Variants in MDGA2 observed in about 807,000 individuals in gnomAD.
MDGA2 encodes MAM domain-containing glycosylphosphatidylinositol anchor protein 2.
MDGA2 carries 40 observed loss-of-function variants against 117.8 expected under a neutral mutation model. That is an observed-to-expected ratio of 0.34 (90% CI 0.26 to 0.44). The LOEUF is 0.44. Ranked by LOEUF, MDGA2 falls within the 20% of genes least tolerant of loss-of-function variation. MDGA2 has a pLI of 1.00. For synonymous variants in MDGA2, 452 were observed against 439.0 expected, an observed-to-expected ratio of 1.03 and a Z score of -0.37; for missense variants, 1,123 against 1,250.6, an observed-to-expected ratio of 0.90 and a Z score of 1.54.
chr14:47,214,794 G>A (rs1594728572), intron 3 of MDGA2, among the ~76,000 whole-genome samples: 1 of 152,014 alleles, frequency 6.6e-6, no homozygotes, highest in Non-Finnish European at 1.5e-5. Flanking sequence ...CTTGTAGAAC[G>A]TGGGATTTGC....
chr14:47,519,039 A>G (rs1894813850), intron 1 of MDGA2, among the ~76,000 whole-genome samples: 1 of 152,038 alleles, frequency 6.6e-6, no homozygotes, highest in African/African-American at 2.4e-5. Flanking sequence ...CCCCGTCTCT[A>G]CTAAAAATAC....
At chr14:47,072,783 A>G (rs933533992) in intron 6 of MDGA2, among the ~76,000 whole-genome samples, 7 of 152,174 alleles carry the variant, frequency 4.6e-5, no homozygotes, top group African/African-American at 1.7e-4. Flanking sequence ...CTTTAGAAAT[A>G]CAGGGCTCGA....
chr14:47,468,912 T>C (rs572335140), intron 1 of MDGA2, among the ~76,000 whole-genome samples: 2 of 152,034 alleles, frequency 1.3e-5, no homozygotes, highest in Admixed American at 6.6e-5. Context: ...ACCTGCTCCA[T>C]ACTGAGGGCT....
chr14:47,456,917 C>T (rs1015634232), intron 1 of MDGA2, among the ~76,000 whole-genome samples: 1 of 151,020 alleles, frequency 6.6e-6, no homozygotes, highest in East Asian at 1.9e-4. Context: ...AAAAAACAAA[C>T]CCTCATGCTC....
intron 12 of MDGA2, among the ~76,000 whole-genome samples, 169 bp downstream of exon 12, chr14:46,877,320 C>T (rs1358944936): frequency 1.3e-5 from 2 of 151,576 alleles, no homozygotes; most frequent in African/African-American, 2.4e-5. Flanking sequence ...ATTTATACTC[C>T]TATCCTTTGA....
At chr14:47,092,068 T>C (rs1879689483) in intron 6 of MDGA2, among the ~76,000 whole-genome samples, 1 of 152,182 alleles carries the variant, frequency 6.6e-6, no homozygotes. Flanking sequence ...TTATCTAATA[T>C]AGCAGGTGAA....
chr14:47,200,710 C>A, intron 3 of MDGA2: 1 of 930,228 alleles, frequency 1.1e-6, no homozygotes. Flanking sequence ...TCTCCTTCCT[C>A]TTCTCCTGCA....
chr14:46,982,228 G>A (rs369498783), intron 8 of MDGA2, among the ~76,000 whole-genome samples: 31 of 152,106 alleles, frequency 2.0e-4, no homozygotes, highest in African/African-American at 6.3e-4. Flanking sequence ...GACTAGTATG[G>A]TAACCGTATA....
At chr14:47,069,053 G>C (rs2138827615) in intron 6 of MDGA2, among the ~76,000 whole-genome samples, 1 of 152,128 alleles carries the variant, frequency 6.6e-6, no homozygotes, top group South Asian at 2.1e-4. Flanking sequence ...AACTTGTTTA[G>C]GTCACTTCTA....
In MDGA2 at chr14:47,674,657, A is replaced by T; in HGVS notation, c.140T>A (p.Leu47Gln). The T allele has an allele frequency of 6.9e-7, 1 of 1,455,736 alleles. No individual in the cohort carries two copies. Among genetic ancestry groups the T allele is most frequent in the Non-Finnish European group, 9.4e-7 (1 of 1,060,672 alleles). 90.2% of individuals were successfully genotyped at this position (1,455,736 alleles called of 1,614,324 possible). ...CGGGACCTTCAGGAGGCCGGCGGCC[A>T]GCCAGGCGCGCTCCACTCGCGCCCG... The part of the protein sequence containing the change: ...LARARVERAW[L>Q]AAGLLKVPLR... The change falls in exon 1 of 17, where the codon CTG becomes CAG. Residue 47 changes from leucine (L) to glutamine (Q), a missense_variant. Leu to Gln is a moderately radical substitution (Grantham distance 113). Transcript: ENST00000399232.
chr14:47,214,553 T>G (rs555596646), intron 3 of MDGA2, among the ~76,000 whole-genome samples: 16 of 152,248 alleles, frequency 1.1e-4, no homozygotes, highest in African/African-American at 3.1e-4. Flanking sequence ...TTCTACTAAA[T>G]TTTAGAAAAT....
At chr14:47,298,995 A>G (rs1039006849) in intron 2 of MDGA2, among the ~76,000 whole-genome samples, 1 of 151,972 alleles carries the variant, frequency 6.6e-6, no homozygotes, top group African/African-American at 2.4e-5. Context: ...CGCCCAGTTA[A>G]TTTTTCAATG....
intron 14 of MDGA2, among the ~76,000 whole-genome samples, chr14:46,858,953 G>C (rs551795071): frequency 9.2e-5 from 14 of 152,204 alleles, no homozygotes; most frequent in African/African-American, 3.4e-4. Flanking sequence ...ATAGCAAAAT[G>C]TTCAGTTATA....
At chr14:47,327,979 T>C (rs1890190587) in intron 1 of MDGA2, among the ~76,000 whole-genome samples, 1 of 151,572 alleles carries the variant, frequency 6.6e-6, no homozygotes, top group Non-Finnish European at 1.5e-5. Context: ...AATTGCTGAA[T>C]GACGTAGAGT....
intron 1 of MDGA2, among the ~76,000 whole-genome samples, chr14:47,551,949 T>A (rs1159635477): frequency 1.3e-5 from 2 of 152,124 alleles, no homozygotes; most frequent in Non-Finnish European, 2.9e-5. Context: ...ACAATAGTAT[T>A]TACAAAAGGA....
intron 1 of MDGA2, among the ~76,000 whole-genome samples, chr14:47,344,752 A>T (rs1299395250): frequency 1.1e-5 from 1 of 88,506 alleles, no homozygotes; most frequent in Non-Finnish European, 2.5e-5. Context: ...GATGAGTTAC[A>T]TGCAAAAAAA....
At chr14:47,112,856 C>A (rs1327321513) in intron 5 of MDGA2, among the ~76,000 whole-genome samples, 1 of 152,162 alleles carries the variant, frequency 6.6e-6, no homozygotes, top group Non-Finnish European at 1.5e-5. Flanking sequence ...TACATTCCCA[C>A]CAACAGTGTA....
At chr14:47,587,467 T>C (rs979888199) in intron 1 of MDGA2, among the ~76,000 whole-genome samples, 2 of 151,922 alleles carry the variant, frequency 1.3e-5, no homozygotes, top group Non-Finnish European at 2.9e-5. Flanking sequence ...CTGTCTATTT[T>C]ATCTGACACT....
intron 1 of MDGA2, among the ~76,000 whole-genome samples, chr14:47,632,640 T>C (rs1216738706): frequency 6.6e-6 from 1 of 152,260 alleles, no homozygotes; most frequent in Non-Finnish European, 1.5e-5. Flanking sequence ...TCTTATAGCA[T>C]GTGATTTTGT....
Sources: gnomAD v4.1 joint callset for allele counts (sites outside exome capture counted in the v4.1 genomes callset) on GRCh38, gnomAD v4.1.1 for gene constraint, MANE v1.5 for transcripts, NCBI Gene and HGNC (gene_info 2026-07-23, HGNC 2026-07-21) for gene names.